The following ABRAXAS2 variants were observed in gnomAD, a reference collection of about 807,000 sequenced individuals.
ABRAXAS2 encodes the protein abraxas 2, BRISC complex subunit.
Under a neutral mutation model 49.0 loss-of-function variants are expected in ABRAXAS2, and 23 were observed. The observed-to-expected ratio is 0.47, with a 90% CI of 0.34 to 0.66. ABRAXAS2 has a LOEUF of 0.66. Ranked by LOEUF, ABRAXAS2 falls within the 30% of genes least tolerant of loss-of-function variation. The probability of loss-of-function intolerance (pLI) is 0.01; values close to 1 mark genes in which losing one functional copy is unlikely to be tolerated. For missense variants in ABRAXAS2, 443 were observed against 511.9 expected, an observed-to-expected ratio of 0.87 and a Z score of 1.30; for synonymous variants, 168 against 180.2, an observed-to-expected ratio of 0.93 and a Z score of 0.54.
intron 5 of ABRAXAS2, among the ~76,000 whole-genome samples, chr10:124,827,725 G>GT (rs1201373974): frequency 2.7e-5 from 4 of 147,932 alleles, no homozygotes; most frequent in African/African-American, 1.0e-4. Flanking sequence ...GTTAACGAGG[G>GT]TTTTGCATCG....
intron 4 of ABRAXAS2, among the ~76,000 whole-genome samples, chr10:124,824,230 C>A (rs537478628): frequency 6.6e-6 from 1 of 152,230 alleles, no homozygotes; most frequent in South Asian, 2.1e-4. Flanking sequence ...CTGTTGGCAT[C>A]TATCAAATCA....
chr10:124,823,859 A>G (rs2134168429), intron 4 of ABRAXAS2, among the ~76,000 whole-genome samples: 1 of 152,326 alleles, frequency 6.6e-6, no homozygotes. Flanking sequence ...TATCACCAAT[A>G]CACATTAATT....
intron 2 of ABRAXAS2, among the ~76,000 whole-genome samples, chr10:124,808,146 G>A (rs1216861392): frequency 6.6e-6 from 1 of 151,882 alleles, no homozygotes; most frequent in African/African-American, 2.4e-5. Context: ...TCTGAACAAA[G>A]CAAGGAACTT....
chr10:124,805,328 G>A (rs1359816722), intron 1 of ABRAXAS2, among the ~76,000 whole-genome samples: 1 of 144,944 alleles, frequency 6.9e-6, no homozygotes, highest in Admixed American at 6.9e-5. Flanking sequence ...GCGACAGAGC[G>A]AGACTCCGTC....
intron 4 of ABRAXAS2, 75 bp from the exon 5 acceptor site, chr10:124,826,520 G>A (rs1020068790): frequency 7.8e-6 from 11 of 1,412,810 alleles, no homozygotes; most frequent in Non-Finnish European, 1.1e-5. Context: ...GAACATTTGT[G>A]CATGTGTGTT....
chr10:124,804,517 A>G (rs1483703347), intron 1 of ABRAXAS2, among the ~76,000 whole-genome samples: 1 of 152,016 alleles, frequency 6.6e-6, no homozygotes, highest in African/African-American at 2.4e-5. Flanking sequence ...ATTTTTTGAA[A>G]GTGGGTATTT....
At position 124,834,536 on chromosome 10, in the gene ABRAXAS2, G is replaced by C. The variant is rs752864083; in HGVS notation, c.813G>C (p.Pro271=). 1.9e-6 allele frequency: 3 copies of C among 1,613,974 alleles called. No individual in the cohort carries two copies. Among genetic ancestry groups the C allele is most frequent in the Non-Finnish European group, 2.5e-6 (3 of 1,180,014 alleles). ...AGGCAGTGTTAAGCAGACAGATGCC[G>C]TCTGAAAGCTTGGACCCAGCGTTCA... The part of the protein sequence containing the change: ...LQQAVLSRQM[P]SESLDPAFSP... Residue 271 remains proline, a synonymous_variant, in exon 9 of 9, where the codon CCG becomes CCC. Transcript: ENST00000298492.
intron 4 of ABRAXAS2, among the ~76,000 whole-genome samples, chr10:124,822,584 G>A (rs983757311): frequency 6.6e-6 from 1 of 152,160 alleles, no homozygotes; most frequent in Non-Finnish European, 1.5e-5. Flanking sequence ...CCTGAGGTCA[G>A]GAGTTCAAGA....
At position 124,834,636 on chromosome 10, in the gene ABRAXAS2, C is replaced by T. The variant is rs374500362; in HGVS notation, c.913C>T (p.Pro305Ser). 1.1e-4 allele frequency: 180 copies of T among 1,613,990 alleles called. No individual in the cohort carries two copies. Among genetic ancestry groups the T allele is most frequent in the Middle Eastern group, 1.6e-4 (1 of 6,084 alleles). ...TGGAGATGCAGAGGCCTCGGATCCT[C>T]CTCCCCCTTACTCTGATTTTCACCC... ...TLGDAEASDP[P>S]PPYSDFHPNN... Residue 305 changes from proline to serine, a missense_variant, in exon 9 of 9, where the codon CCT (proline) becomes TCT (serine). Around this residue, in one of 3 missense-constraint regions of ABRAXAS2, gnomAD observed 230 missense variants for 237.0 expected, o/e 0.97. Coordinates refer to ENST00000298492, the MANE Select transcript of ABRAXAS2 (RefSeq NM_032182.4).
intron 1 of ABRAXAS2, among the ~76,000 whole-genome samples, chr10:124,806,582 A>G (rs72843427): frequency 4.1e-3 from 623 of 152,344 alleles, no homozygotes; most frequent in Middle Eastern, 0.014. Flanking sequence ...TCACTCTTCC[A>G]AAAACAGGGA....
chr10:124,805,472 C>T (rs2134157158), intron 1 of ABRAXAS2, among the ~76,000 whole-genome samples: 1 of 152,134 alleles, frequency 6.6e-6, no homozygotes, highest in South Asian at 2.1e-4. Context: ...ATATATCGTA[C>T]AAGGGCATTG....
chr10:124,814,736 G>A (rs898071316), intron 2 of ABRAXAS2, among the ~76,000 whole-genome samples: 5 of 151,872 alleles, frequency 3.3e-5, no homozygotes, highest in African/African-American at 7.3e-5. Flanking sequence ...TGCAACCTCT[G>A]CCTCCTGGGT....
intron 5 of ABRAXAS2, among the ~76,000 whole-genome samples, chr10:124,827,077 G>A (rs1282764387): frequency 6.9e-6 from 1 of 143,974 alleles, no homozygotes; most frequent in Non-Finnish European, 1.5e-5. Flanking sequence ...TGGCAACAGA[G>A]CAAGAATCCA....
chr10:124,831,586 G>A (rs1326897980), intron 8 of ABRAXAS2, 123 bp downstream of exon 8: 3 of 547,358 alleles, frequency 5.5e-6, no homozygotes, highest in African/African-American at 2.0e-5. Context: ...TAGCCTGGCT[G>A]GGGCAGAGCA....
rs1950966729 is a variant in ABRAXAS2, at chr10:124,836,044, C to T, written c.*1073C>T. The T allele has an allele frequency of 6.6e-6, 1 of 152,526 alleles. No individual in the cohort carries two copies. The allele number at this position is 152,526 out of a possible 1,614,324, so 9.4% of individuals were successfully genotyped here. A position where few individuals can be genotyped will look rare whatever the true frequency, so the allele number is the denominator to read the frequency against. On this transcript the variant is annotated 3_prime_UTR_variant, in exon 9 of 9. Coordinates refer to ENST00000298492, the MANE Select transcript of ABRAXAS2 (RefSeq NM_032182.4). ...CACTTATATTTTTATTTAATGACTA[C>T]TTGTTTTCTAGTTTTGCCCACAACG...
In ABRAXAS2 at chr10:124,834,528, C is replaced by T. The variant is rs1950955336; in HGVS notation, c.805C>T (p.Gln269Ter). The T allele has an allele frequency of 6.2e-7, 1 of 1,613,922 alleles. No homozygotes were observed. Among genetic ancestry groups the T allele is most frequent in the Non-Finnish European group, 8.5e-7 (1 of 1,179,976 alleles). ...RRLQQAVLSR[Q>*]MPSESLDPAF... is the part of the protein sequence containing the mutation. ...ATTGCAGCAGGCAGTGTTAAGCAGA[C>T]AGATGCCGTCTGAAAGCTTGGACCC... The change falls in exon 9 of 9, where the codon CAG becomes TAG. Residue 269 changes from glutamine (Q) to a stop codon, truncating the protein, a stop_gained. Coordinates refer to ENST00000298492, the MANE Select transcript of ABRAXAS2 (RefSeq NM_032182.4). LOFTEE classifies it high-confidence loss of function.
intron 4 of ABRAXAS2, among the ~76,000 whole-genome samples, chr10:124,821,522 C>CAT (rs1950861469): frequency 6.6e-6 from 1 of 151,312 alleles, no homozygotes; most frequent in Non-Finnish European, 1.5e-5. Context: ...GCTGAGATTG[C>CAT]GCCACTGCAC....
At chr10:124,816,998 G>A (rs559436448) in intron 3 of ABRAXAS2, among the ~76,000 whole-genome samples, 1 of 152,318 alleles carries the variant, frequency 6.6e-6, no homozygotes, top group South Asian at 2.1e-4. Context: ...GAATACAGTA[G>A]TCCCTGCTTA....
At chr10:124,826,431 C>T (rs1416668993) in intron 4 of ABRAXAS2, among the ~76,000 whole-genome samples, 164 bp from the exon 5 acceptor site, 1 of 152,148 alleles carries the variant, frequency 6.6e-6, no homozygotes, top group East Asian at 1.9e-4. Flanking sequence ...ATGCCTGAAG[C>T]ACAGTCTGTT....
Sources: gnomAD v4.1 joint callset for allele counts (sites outside exome capture counted in the v4.1 genomes callset) on GRCh38, gnomAD v4.1.1 for gene constraint, gnomAD v4.1.1 regional missense constraint, MANE v1.5 for transcripts, NCBI Gene and HGNC (gene_info 2026-07-23, HGNC 2026-07-21) for gene names.